FBXO28: variants seen among roughly 807,000 people sequenced by gnomAD.
The protein encoded by FBXO28 is F-box protein 28.
Under a neutral mutation model 38.1 loss-of-function variants are expected in FBXO28, and 8 were observed. The ratio of observed to expected loss-of-function variants is 0.21; its 90% CI spans 0.12 to 0.38. FBXO28 has a LOEUF of 0.38. FBXO28 is among the 10% of genes least tolerant of loss of function. FBXO28 has a pLI of 1.00. For missense variants in FBXO28, 345 were observed against 460.6 expected, an observed-to-expected ratio of 0.75 and a Z score of 2.30; for synonymous variants, 168 against 173.8, an observed-to-expected ratio of 0.97 and a Z score of 0.26.
chr1:224,156,034 C>T (rs1006594449), intron 4 of FBXO28, among the ~76,000 whole-genome samples: 2 of 152,078 alleles, frequency 1.3e-5, no homozygotes, highest in Non-Finnish European at 2.9e-5. Flanking sequence ...TGATTTAAGC[C>T]TTGGTGAATA....
chr1:224,132,822 A>G (rs1396070369), intron 2 of FBXO28, among the ~76,000 whole-genome samples: 1 of 152,040 alleles, frequency 6.6e-6, no homozygotes, highest in Non-Finnish European at 1.5e-5. Context: ...AAAAAGAAAA[A>G]ACAATTTGGC....
chr1:224,158,723 C>T lies in FBXO28; in HGVS notation c.*977C>T, dbSNP rs551061967. 2 of 152,376 alleles carry T rather than the reference C, an allele frequency of 1.3e-5. No individual in the cohort carries two copies. Among genetic ancestry groups the T allele is most frequent in the South Asian group, 2.1e-4 (1 of 4,822 alleles). The allele number at this position is 152,376 out of a possible 1,614,324, so 9.4% of individuals were successfully genotyped here. A position where few individuals can be genotyped will look rare whatever the true frequency, so the allele number is the denominator to read the frequency against. On this transcript the variant is annotated 3_prime_UTR_variant, in exon 5 of 5. Coordinates refer to ENST00000366862, the MANE Select transcript of FBXO28 (RefSeq NM_015176.4). ...TGGACCTCTGGGAGCTAATACTCCTCTTTGCTCACCACCATGTGATCATTG... is the reference window on the plus strand; with the variant it reads ...TGGACCTCTGGGAGCTAATACTCCTTTTTGCTCACCACCATGTGATCATTG...
chr1:224,120,121 A>G (rs1304696965), intron 1 of FBXO28, among the ~76,000 whole-genome samples: 1 of 152,234 alleles, frequency 6.6e-6, no homozygotes, highest in South Asian at 2.1e-4. Context: ...AGAAGATACT[A>G]TGTTAAAAGG....
At chr1:224,134,551 T>C (rs1164348928) in intron 3 of FBXO28, among the ~76,000 whole-genome samples, 7 of 152,234 alleles carry the variant, frequency 4.6e-5, no homozygotes, top group Non-Finnish European at 8.8e-5. Context: ...AAGACTATTA[T>C]AATTTTGGGG....
At chr1:224,134,308 T>A in intron 3 of FBXO28, 96 bp downstream of exon 3, 3 of 1,226,158 alleles carry the variant, frequency 2.4e-6, no homozygotes, top group Middle Eastern at 2.2e-4. Flanking sequence ...TAGAATTGTT[T>A]CTACTTCTCT....
chr1:224,141,470 CAAAA>C (rs35142896), intron 3 of FBXO28, among the ~76,000 whole-genome samples: 4 of 126,178 alleles, frequency 3.2e-5, no homozygotes, highest in Non-Finnish European at 3.4e-5. Flanking sequence ...GACTGTGTCT[CAAAA>C]AAAAAAAAAA....
At chr1:224,143,846 A>AAG (rs1402801210) in intron 3 of FBXO28, among the ~76,000 whole-genome samples, 5 of 150,808 alleles carry the variant, frequency 3.3e-5, no homozygotes, top group Non-Finnish European at 4.4e-5. Context: ...AAAAAAAAAA[A>AAG]AAAGAAAAAT....
chr1:224,119,872 T>C (rs1656732857), intron 1 of FBXO28, among the ~76,000 whole-genome samples: 1 of 152,212 alleles, frequency 6.6e-6, no homozygotes, highest in Non-Finnish European at 1.5e-5. Flanking sequence ...TTGTTAATGT[T>C]CTAGATTAGT....
chr1:224,114,157 G>T lies in FBXO28; in HGVS notation c.28G>T (p.Ala10Ser). Residue 10 changes from alanine (A) to serine (S), a missense_variant, in exon 1 of 5, where the codon GCA becomes TCA. This residue lies in a region of FBXO28 where 104 missense variants were observed against 82.0 expected (regional missense o/e 1.27). Coordinates refer to ENST00000366862, the MANE Select transcript of FBXO28 (RefSeq NM_015176.4). MAAAAEERM[A>S]EEGGGGQGDG... Reference sequence around the variant, plus strand: ...GGCGGCAGCGGCGGAGGAGCGGATGGCAGAGGAAGGAGGCGGCGGCCAAGG... The same window carrying T: ...GGCGGCAGCGGCGGAGGAGCGGATGTCAGAGGAAGGAGGCGGCGGCCAAGG... The T allele has an allele frequency of 1.3e-6, 2 of 1,545,856 alleles. No individual in the cohort carries two copies. The highest frequency in any genetic ancestry group is 1.7e-6 in the Non-Finnish European group (2 of 1,145,110).
At chr1:224,135,241 T>C (rs1274914038) in intron 3 of FBXO28, among the ~76,000 whole-genome samples, 1 of 152,192 alleles carries the variant, frequency 6.6e-6, no homozygotes, top group Admixed American at 6.5e-5. Context: ...GAATCTGACT[T>C]AAAGGCCTTA....
chr1:224,120,763 T>C (rs1656752770), intron 1 of FBXO28, among the ~76,000 whole-genome samples: 1 of 150,904 alleles, frequency 6.6e-6, no homozygotes, highest in Admixed American at 6.6e-5. Context: ...CTCAGGAGGC[T>C]GAGGCAGGAG....
chr1:224,144,105 G>A (rs938074612), intron 3 of FBXO28, among the ~76,000 whole-genome samples: 2 of 151,108 alleles, frequency 1.3e-5, no homozygotes, highest in Non-Finnish European at 2.9e-5. Flanking sequence ...AGTGAGCTGA[G>A]GTTGCGCCAC....
intron 3 of FBXO28, among the ~76,000 whole-genome samples, chr1:224,150,899 T>C (rs1463294760): frequency 6.6e-6 from 1 of 152,200 alleles, no homozygotes; most frequent in East Asian, 1.9e-4. Flanking sequence ...GTCATCCTTA[T>C]TTACTGTTTT....
At chr1:224,136,831 A>G (rs1298401883) in intron 3 of FBXO28, among the ~76,000 whole-genome samples, 2 of 151,362 alleles carry the variant, frequency 1.3e-5, no homozygotes, top group Non-Finnish European at 2.9e-5. Context: ...GGCTCACCGC[A>G]ACCTCTGCCA....
chr1:224,135,611 C>CAAAAAAAAAA (rs71168313), intron 3 of FBXO28, among the ~76,000 whole-genome samples: 30 of 110,780 alleles, frequency 2.7e-4, no homozygotes, highest in African/African-American at 7.6e-4. Flanking sequence ...GACTCTGTCT[C>CAAAAAAAAAA]AAAAAAAAAA....
intron 3 of FBXO28, among the ~76,000 whole-genome samples, chr1:224,152,925 CAAAAAAAAAA>C (rs57616453): frequency 4.8e-4 from 31 of 64,890 alleles, no homozygotes; most frequent in Admixed American, 6.5e-4. Context: ...AACTCTGTCT[CAAAAAAAAAA>C]AAAAAAAAAA....
At chr1:224,151,976 A>G (rs1245947807) in intron 3 of FBXO28, among the ~76,000 whole-genome samples, 1 of 151,866 alleles carries the variant, frequency 6.6e-6, no homozygotes, top group African/African-American at 2.4e-5. Flanking sequence ...CTGCGGTTGG[A>G]GATGACAGTG....
intron 2 of FBXO28, among the ~76,000 whole-genome samples, chr1:224,132,710 CAGG>C (rs1322688410): frequency 6.6e-6 from 1 of 151,404 alleles, no homozygotes; most frequent in Admixed American, 6.6e-5. Flanking sequence ...GAGGCTGAGG[CAGG>C]AGAATTGCTT....
intron 1 of FBXO28, among the ~76,000 whole-genome samples, 185 bp downstream of exon 1, chr1:224,114,581 T>C (rs1319790126): frequency 6.6e-6 from 1 of 152,258 alleles, no homozygotes; most frequent in Non-Finnish European, 1.5e-5. Context: ...TGGTTCCCGA[T>C]TGCGTCCTAG....
Sources: allele counts gnomAD v4.1 joint callset (sites outside exome capture counted in the v4.1 genomes callset), GRCh38; gene constraint gnomAD v4.1.1; regional missense constraint gnomAD v4.1.1; transcripts MANE v1.5; gene names NCBI Gene and HGNC (gene_info 2026-07-23, HGNC 2026-07-21).